The following ADGRL2 variants were observed in gnomAD, a reference collection of about 807,000 sequenced individuals.
ADGRL2 encodes calcium-independent alpha-latrotoxin receptor 2.
Under a neutral mutation model 157.4 loss-of-function variants are expected in ADGRL2, and 44 were observed. That is an observed-to-expected ratio of 0.28 (90% CI 0.22 to 0.36). The LOEUF (loss-of-function observed/expected upper bound fraction) is 0.36, where lower values mean the gene tolerates loss of function less well. ADGRL2 is among the 10% of genes least tolerant of loss of function. ADGRL2 has a pLI of 1.00. For synonymous variants in ADGRL2, 585 were observed against 624.7 expected, an observed-to-expected ratio of 0.94 and a Z score of 0.95; for missense variants, 1,510 against 1,768.9, an observed-to-expected ratio of 0.85 and a Z score of 2.63.
At chr1:81,965,210 G>A (rs1005393730) in intron 11 of ADGRL2, among the ~76,000 whole-genome samples, 4 of 152,096 alleles carry the variant, frequency 2.6e-5, no homozygotes, top group African/African-American at 7.2e-5. Context: ...TGCTGTAAAG[G>A]TCCAGATAGT....
chr1:81,911,902 G>A (rs971493037), intron 3 of ADGRL2, among the ~76,000 whole-genome samples: 10 of 149,344 alleles, frequency 6.7e-5, no homozygotes, highest in African/African-American at 2.5e-4. Flanking sequence ...TTTGCGGGGG[G>A]ATGGATTGAA....
rs552322182 is a variant in ADGRL2, at chr1:81,966,417, G to T, written c.2157G>T (p.Leu719Phe). The T allele has an allele frequency of 6.2e-7, 1 of 1,613,880 alleles. No individual in the cohort carries two copies. ...KQNSRNGLAK[L>F]VFIIYRSLGQ... ...TTACCTTCCTAGGGCTTGCAAAGTTGGTGTTCATCATTTACCGGAGCCTGG... is the reference window on the plus strand; with the variant it reads ...TTACCTTCCTAGGGCTTGCAAAGTTTGTGTTCATCATTTACCGGAGCCTGG... Residue 719 changes from leucine (L) to phenylalanine (F), a missense_variant, in exon 13 of 24, where the codon TTG (leucine) becomes TTT (phenylalanine). By Grantham distance (22) the Leu-to-Phe change is conservative. Around this residue, in one of 4 missense-constraint regions of ADGRL2, gnomAD observed 497 missense variants for 627.2 expected, o/e 0.79. Transcript: ENST00000686636.
At chr1:81,865,855 T>G (rs1250158579) in intron 2 of ADGRL2, among the ~76,000 whole-genome samples, 2 of 152,222 alleles carry the variant, frequency 1.3e-5, no homozygotes, top group African/African-American at 2.4e-5. Context: ...TCTTCTAAGT[T>G]AAGAAAGGTA....
chr1:81,659,787 G>C (rs1302640349), intron 3 of ADGRL2, among the ~76,000 whole-genome samples: 1 of 152,032 alleles, frequency 6.6e-6, no homozygotes, highest in Non-Finnish European at 1.5e-5. Flanking sequence ...CCCTGTAACT[G>C]AATTTAACAT....
intron 1 of ADGRL2, among the ~76,000 whole-genome samples, chr1:81,307,370 T>A (rs944331827): frequency 6.6e-6 from 1 of 152,210 alleles, no homozygotes; most frequent in Non-Finnish European, 1.5e-5. Context: ...AAGTTACTTA[T>A]AATATTTTAA....
At chr1:81,377,417 A>C (rs1190547002) in intron 1 of ADGRL2, among the ~76,000 whole-genome samples, 1 of 152,182 alleles carries the variant, frequency 6.6e-6, no homozygotes, top group South Asian at 2.1e-4. Flanking sequence ...TTTAGTTATT[A>C]TCAGTATCAA....
At chr1:81,533,394 T>C (rs1382408633) in intron 2 of ADGRL2, among the ~76,000 whole-genome samples, 1 of 151,936 alleles carries the variant, frequency 6.6e-6, no homozygotes, top group East Asian at 1.9e-4. Context: ...AACAAATAAA[T>C]AAAAATGGAC....
intron 2 of ADGRL2, among the ~76,000 whole-genome samples, chr1:81,549,185 A>G (rs1326507154): frequency 6.6e-6 from 1 of 152,216 alleles, no homozygotes; most frequent in Non-Finnish European, 1.5e-5. Context: ...ATGCTGGAAG[A>G]CCTAATCCAT....
chr1:81,761,100 CTT>C (rs1310921104), intron 1 of ADGRL2, among the ~76,000 whole-genome samples: 5 of 151,764 alleles, frequency 3.3e-5, no homozygotes, highest in African/African-American at 1.2e-4. Context: ...CAAAAACCAA[CTT>C]TTTAATTTGG....
chr1:81,794,935 A>T lies in ADGRL2; in HGVS notation c.-101+33083A>T, dbSNP rs114378803. 6.2e-3 allele frequency among the ~76,000 whole-genome samples: 937 copies of T among 152,312 alleles called. 11 individuals are homozygous for T. Among genetic ancestry groups the T allele is most frequent in the African/African-American group, 0.021 (891 of 41,572 alleles). Reference sequence around the variant, plus strand: ...ATGTGCATGACAAATAAAGGCCTTTAAAAAATAAAGCAGCAAAGTGGAGTA... The same window carrying T: ...ATGTGCATGACAAATAAAGGCCTTTTAAAAATAAAGCAGCAAAGTGGAGTA... On this transcript the variant is annotated intron_variant, in intron 2 of 20. Coordinates refer to the ADGRL2 transcript ENST00000359929.
chr1:81,753,408 G>A (rs918370806), intron 1 of ADGRL2, among the ~76,000 whole-genome samples: 8 of 152,070 alleles, frequency 5.3e-5, no homozygotes, highest in Admixed American at 1.3e-4. Flanking sequence ...ATCTCCCACC[G>A]GGTCCCTCCC....
chr1:81,558,955 G>T (rs1474791502), intron 2 of ADGRL2, among the ~76,000 whole-genome samples: 2 of 152,168 alleles, frequency 1.3e-5, no homozygotes, highest in African/African-American at 4.8e-5. Context: ...CCTGGTCTGG[G>T]TCAGGTATAA....
chr1:81,658,694 C>T (rs528659093), intron 3 of ADGRL2, among the ~76,000 whole-genome samples: 3 of 152,066 alleles, frequency 2.0e-5, no homozygotes, highest in Non-Finnish European at 4.4e-5. Flanking sequence ...TGAGTTATAT[C>T]GTCTATTTTT....
At chr1:81,908,308 C>A (rs1320004445) in intron 3 of ADGRL2, among the ~76,000 whole-genome samples, 3 of 152,160 alleles carry the variant, frequency 2.0e-5, no homozygotes, top group Non-Finnish European at 4.4e-5. Flanking sequence ...ATCCTCTGTC[C>A]TTGGCCTGTT....
intron 2 of ADGRL2, among the ~76,000 whole-genome samples, chr1:81,544,385 T>C (rs965852225): frequency 6.6e-6 from 1 of 152,208 alleles, no homozygotes; most frequent in African/African-American, 2.4e-5. Context: ...ATGTTTCTTT[T>C]TTCCCTGTTA....
intron 2 of ADGRL2, among the ~76,000 whole-genome samples, chr1:81,783,312 T>C (rs2086894419): frequency 6.6e-6 from 1 of 151,976 alleles, no homozygotes; most frequent in Admixed American, 6.6e-5. Flanking sequence ...TGTATTTTAG[T>C]AGAGACGGGG....
intron 2 of ADGRL2, among the ~76,000 whole-genome samples, chr1:81,849,695 C>CTG (rs2092929348): frequency 6.6e-6 from 1 of 151,700 alleles, no homozygotes; most frequent in African/African-American, 2.4e-5. Flanking sequence ...TCCTGTAATA[C>CTG]TGATAAGTAT....
intron 1 of ADGRL2, among the ~76,000 whole-genome samples, chr1:81,437,703 A>T (rs1346550635): frequency 6.6e-6 from 1 of 152,186 alleles, no homozygotes; most frequent in Non-Finnish European, 1.5e-5. Flanking sequence ...GCCACAGTAA[A>T]ACTCAAGTAA....
intron 1 of ADGRL2, among the ~76,000 whole-genome samples, chr1:81,753,475 C>T (rs922205395): frequency 5.3e-5 from 8 of 152,052 alleles, no homozygotes; most frequent in Non-Finnish European, 1.2e-4. Context: ...GACACAGAGC[C>T]AAACCATATC....
Sources: allele counts gnomAD v4.1 joint callset (sites outside exome capture counted in the v4.1 genomes callset), GRCh38; gene constraint gnomAD v4.1.1; regional missense constraint gnomAD v4.1.1; transcripts MANE v1.5; gene names NCBI Gene and HGNC (gene_info 2026-07-23, HGNC 2026-07-21).